EPM2A: variants seen among roughly 807,000 people sequenced by gnomAD.
EPM2A encodes EPM2A glucan phosphatase, laforin, also known as laforin.
In EPM2A, 21 loss-of-function variants were observed where a neutral mutation model predicts 26.5. That is an observed-to-expected ratio of 0.79 (90% CI 0.56 to 1.14). The LOEUF is 1.14. Ranked by LOEUF, EPM2A falls within the 50% of genes most tolerant of loss-of-function variation. EPM2A has a pLI of 0.00. For synonymous variants in EPM2A, 217 were observed against 177.6 expected (o/e 1.22, Z -1.76); for missense variants, 458 against 440.8 (o/e 1.04, Z -0.35).
chr6:145,455,557 C>T (rs1779253140), intron 4 of EPM2A, among the ~76,000 whole-genome samples: 1 of 152,128 alleles, frequency 6.6e-6, no homozygotes. Flanking sequence ...AGGGTTTCAC[C>T]ATGTTGGCCA....
At chr6:145,646,635 T>TA (rs1217648629) in intron 2 of EPM2A, among the ~76,000 whole-genome samples, 1 of 152,170 alleles carries the variant, frequency 6.6e-6, no homozygotes, top group Admixed American at 6.5e-5. Context: ...GAGTGTTCCT[T>TA]AGAGTTCCAA....
intron 4 of EPM2A, among the ~76,000 whole-genome samples, chr6:145,434,393 G>C (rs1449641872): frequency 6.6e-6 from 1 of 151,338 alleles, no homozygotes; most frequent in African/African-American, 2.4e-5. Context: ...CCTCTACTCT[G>C]TCTAATCTGT....
chr6:145,692,305 G>A (rs1415315717), intron 1 of EPM2A, among the ~76,000 whole-genome samples: 1 of 151,782 alleles, frequency 6.6e-6, no homozygotes, highest in African/African-American at 2.4e-5. Flanking sequence ...ACAATTGTTA[G>A]AACAATTAGA....
chr6:145,526,474 T>A (rs1442911887), intron 2 of EPM2A, among the ~76,000 whole-genome samples: 7 of 152,024 alleles, frequency 4.6e-5, no homozygotes, highest in Admixed American at 6.6e-5. Flanking sequence ...TTTCAGAGCT[T>A]AATATTAATC....
chr6:145,415,466 T>G (rs910348754), intron 4 of EPM2A, among the ~76,000 whole-genome samples: 6 of 152,228 alleles, frequency 3.9e-5, no homozygotes, highest in African/African-American at 1.2e-4. Flanking sequence ...GGATAGCCTT[T>G]GAATTTAGAT....
At position 145,466,928 on chromosome 6, in the gene EPM2A, G is replaced by T. The variant is rs931576100; in HGVS notation, c.555+35594C>A. Among the ~76,000 whole-genome samples, 3 of 152,138 alleles carry T rather than the reference G, an allele frequency of 2.0e-5. No individual in the cohort carries two copies. The East Asian group carries it at 5.8e-4, about 29-fold the overall frequency. On this transcript the variant is annotated intron_variant, in intron 4 of 4. Coordinates refer to the EPM2A transcript ENST00000638717. ...AAACACCACACATTCTCACTCATAG[G>T]TGGGAACTGAACAATGAGAACACAT...
chr6:145,460,586 T>C (rs1449800666), intron 4 of EPM2A, among the ~76,000 whole-genome samples: 1 of 152,150 alleles, frequency 6.6e-6, no homozygotes, highest in Non-Finnish European at 1.5e-5. Context: ...CTTTGTTTCC[T>C]GCCCTCCCTT....
At chr6:145,456,443 G>A (rs972492898) in intron 4 of EPM2A, among the ~76,000 whole-genome samples, 2 of 152,178 alleles carry the variant, frequency 1.3e-5, no homozygotes, top group African/African-American at 4.8e-5. Context: ...GATGAACAGA[G>A]AGATTGAGAG....
chr6:145,650,203 G>C (rs73579446), intron 2 of EPM2A, among the ~76,000 whole-genome samples: 12,765 of 152,160 alleles, frequency 0.084, 569 homozygotes, highest in Middle Eastern at 0.12. Context: ...GCTTTTGTAT[G>C]ATGAGCACTT....
chr6:145,394,188 G>A (rs746036217), intron 4 of EPM2A, among the ~76,000 whole-genome samples: 127 of 152,168 alleles, frequency 8.3e-4, no homozygotes, highest in Admixed American at 2.4e-3. Flanking sequence ...GCTCCTCTCC[G>A]TATGATGGAG....
chr6:145,731,248 CA>C (rs1300251847), intron 1 of EPM2A, among the ~76,000 whole-genome samples: 3 of 152,156 alleles, frequency 2.0e-5, no homozygotes, highest in African/African-American at 7.2e-5. Flanking sequence ...CACAGTATTC[CA>C]TGGAGTGTTC....
intron 2 of EPM2A, among the ~76,000 whole-genome samples, chr6:145,508,566 AT>A (rs767716990): frequency 6.6e-5 from 8 of 120,432 alleles, no homozygotes; most frequent in Non-Finnish European, 9.3e-5. Context: ...AGGGAAAAAA[AT>A]AACAATAAAA....
chr6:145,585,784 C>T (rs896455722), intron 2 of EPM2A, among the ~76,000 whole-genome samples: 1 of 152,090 alleles, frequency 6.6e-6, no homozygotes, highest in Non-Finnish European at 1.5e-5. Flanking sequence ...TACTTGGAAA[C>T]AGTTTGATCT....
chr6:145,665,186 A>G (rs1406696301), intron 2 of EPM2A, among the ~76,000 whole-genome samples: 1 of 26,342 alleles, frequency 3.8e-5, no homozygotes, highest in Non-Finnish European at 7.3e-5. Flanking sequence ...AAGGAAATAG[A>G]GACACAAAAA....
chr6:145,686,262 G>GT lies in EPM2A; in HGVS notation c.335dup (p.Tyr112Ter), dbSNP rs587776553. 8 of 1,613,910 alleles carry GT rather than the reference G, an allele frequency of 5.0e-6. No individual in the cohort carries two copies. Among genetic ancestry groups the GT allele is most frequent in the South Asian group, 1.1e-5 (1 of 91,074 alleles). The change falls in exon 2 of 4, where the codon TAC (tyrosine) becomes TAAC (stop). Residue 112 changes from tyrosine to a stop codon, truncating the protein, a stop_gained and frameshift_variant. Coordinates refer to ENST00000367519, the MANE Select transcript of EPM2A (RefSeq NM_005670.4). LOFTEE classifies it high-confidence loss of function. The stretch of plus-strand genomic sequence containing the variant: ...CACCATCCACCAAGTTGTTTTCATT[G>GT]TAAGTACAGCAACGGTCATGATGAG... ...NGPHHDRCCTYNENNLVDGVY... is the reference protein window; with the variant it reads ...NGPHHDRCCT
At chr6:145,718,019 A>G (rs1327803298) in intron 1 of EPM2A, among the ~76,000 whole-genome samples, 8 of 151,444 alleles carry the variant, frequency 5.3e-5, no homozygotes, top group Admixed American at 4.6e-4. Flanking sequence ...GGAAGAATCA[A>G]TATCGTGAAA....
intron 4 of EPM2A, among the ~76,000 whole-genome samples, chr6:145,388,122 T>C (rs1778287831): frequency 6.6e-6 from 1 of 152,180 alleles, no homozygotes; most frequent in African/African-American, 2.4e-5. Context: ...GAAACAAAGA[T>C]GGCAGGAGGT....
At chr6:145,485,232 G>A (rs893109448) in intron 4 of EPM2A, among the ~76,000 whole-genome samples, 4 of 151,852 alleles carry the variant, frequency 2.6e-5, no homozygotes, top group African/African-American at 9.7e-5. Context: ...GAGTGAAGAG[G>A]GGCAACAAGG....
intron 1 of EPM2A, among the ~76,000 whole-genome samples, chr6:145,690,271 G>A (rs1372231948): frequency 2.0e-5 from 3 of 152,074 alleles, no homozygotes; most frequent in African/African-American, 7.2e-5. Context: ...AGCACTTTGG[G>A]AGGCCGAGGC....
Sources: gnomAD v4.1 joint callset for allele counts (sites outside exome capture counted in the v4.1 genomes callset) on GRCh38, gnomAD v4.1.1 for gene constraint, MANE v1.5 for transcripts, NCBI Gene and HGNC (gene_info 2026-07-23, HGNC 2026-07-21) for gene names.